Variants in OR1J2 observed in about 807,000 individuals in gnomAD.
OR1J2 encodes olfactory receptor family 1 subfamily J member 2.
For synonymous variants in OR1J2, 142 were observed against 99.7 expected (o/e 1.42, Z -2.52); for missense variants, 304 against 246.1 (o/e 1.24, Z -1.57).
the OR1J2 span, among the ~76,000 whole-genome samples, chr9:122,574,069 T>C: frequency 1.3e-5 from 2 of 152,208 alleles, no homozygotes; most frequent in Non-Finnish European, 2.9e-5. Flanking sequence ...TTCTGTACCA[T>C]TGATCTATTT....
At chr9:122,452,469 A>G in the OR1J2 span, among the ~76,000 whole-genome samples, 328 of 152,298 alleles carry the variant, frequency 2.2e-3, no homozygotes, top group Middle Eastern at 6.8e-3. Flanking sequence ...CACAACTGCT[A>G]TTTAAATATA....
At chr9:122,483,377 CAG>C in the OR1J2 span, among the ~76,000 whole-genome samples, 5 of 152,000 alleles carry the variant, frequency 3.3e-5, no homozygotes, top group Non-Finnish European at 5.9e-5. Flanking sequence ...ACTAGATAAA[CAG>C]AAGTTAATTT....
At chr9:122,492,064 T>C in the OR1J2 span, among the ~76,000 whole-genome samples, 3 of 152,158 alleles carry the variant, frequency 2.0e-5, no homozygotes, top group African/African-American at 7.2e-5. Context: ...CTGGGCATAT[T>C]GCATAATGCT....
the OR1J2 span, among the ~76,000 whole-genome samples, chr9:122,472,050 C>A: frequency 6.6e-6 from 1 of 152,220 alleles, no homozygotes; most frequent in African/African-American, 2.4e-5. Context: ...CCCTGCCCTA[C>A]ATTCCCTAAA....
chr9:122,504,905 G>T, the OR1J2 span, among the ~76,000 whole-genome samples: 1 of 152,048 alleles, frequency 6.6e-6, no homozygotes, highest in Non-Finnish European at 1.5e-5. Context: ...AGTGTCTGGC[G>T]TGTCCTTCCC....
At chr9:122,520,662 A>C in the OR1J2 span, among the ~76,000 whole-genome samples, 2 of 152,198 alleles carry the variant, frequency 1.3e-5, no homozygotes, top group Non-Finnish European at 2.9e-5. Context: ...TTCTGACTAC[A>C]CATGTGAGCT....
At chr9:122,472,414 AT>A in the OR1J2 span, among the ~76,000 whole-genome samples, 162 of 152,348 alleles carry the variant, frequency 1.1e-3, no homozygotes, top group African/African-American at 3.7e-3. Context: ...ACTAGTTGAA[AT>A]GCACCAATAG....
chr9:122,474,351 C>T, the OR1J2 span, among the ~76,000 whole-genome samples: 2 of 152,152 alleles, frequency 1.3e-5, no homozygotes, highest in African/African-American at 4.8e-5. Context: ...TCCTTCTGGC[C>T]TCCTTCTTGC....
At chr9:122,561,799 G>A in the OR1J2 span, among the ~76,000 whole-genome samples, 1 of 152,312 alleles carries the variant, frequency 6.6e-6, no homozygotes, top group Admixed American at 6.5e-5. Flanking sequence ...CCCTGTTGCA[G>A]GGTCTCACCC....
chr9:122,526,659 A>C, the OR1J2 span: 1 of 1,614,192 alleles, frequency 6.2e-7, no homozygotes, highest in South Asian at 1.1e-5. Context: ...GGAGGTGACA[A>C]TGCATAAAAA....
chr9:122,532,792 T>C, the OR1J2 span, among the ~76,000 whole-genome samples: 4 of 152,036 alleles, frequency 2.6e-5, no homozygotes, highest in Non-Finnish European at 5.9e-5. Flanking sequence ...GGCTACAGGG[T>C]GCGGTCCCGG....
chr9:122,453,425 A>G, the OR1J2 span, among the ~76,000 whole-genome samples: 2 of 151,964 alleles, frequency 1.3e-5, no homozygotes, highest in Admixed American at 6.6e-5. Flanking sequence ...CAAGTTCCCA[A>G]CCTCCTAAGT....
At chr9:122,452,088 C>T in the OR1J2 span, among the ~76,000 whole-genome samples, 2 of 152,118 alleles carry the variant, frequency 1.3e-5, no homozygotes, top group Non-Finnish European at 2.9e-5. Context: ...CCGTGTTGGC[C>T]AGGATGGTCT....
At chr9:122,455,275 C>G in the OR1J2 span, among the ~76,000 whole-genome samples, 2 of 152,160 alleles carry the variant, frequency 1.3e-5, no homozygotes, top group Admixed American at 1.3e-4. Flanking sequence ...CTTTGTTTAA[C>G]TGATTGAGGA....
At chr9:122,580,399 C>CA in the OR1J2 span, among the ~76,000 whole-genome samples, 1 of 152,164 alleles carries the variant, frequency 6.6e-6, no homozygotes, top group Non-Finnish European at 1.5e-5. Flanking sequence ...TGCCAATGAT[C>CA]ATTTACAAAT....
chr9:122,574,268 T>C, the OR1J2 span, among the ~76,000 whole-genome samples: 1 of 152,196 alleles, frequency 6.6e-6, no homozygotes. Context: ...TGATCGGTAT[T>C]GCATGGAATT....
chr9:122,517,531 A>C, the OR1J2 span, among the ~76,000 whole-genome samples: 1 of 152,228 alleles, frequency 6.6e-6, no homozygotes, highest in Non-Finnish European at 1.5e-5. Context: ...CTCCCAATTA[A>C]GAACTGTTAT....
the OR1J2 span, among the ~76,000 whole-genome samples, chr9:122,461,799 T>C: frequency 6.6e-6 from 1 of 152,202 alleles, no homozygotes; most frequent in Non-Finnish European, 1.5e-5. Context: ...ATAATTTCAG[T>C]TTTCTTAAAT....
the OR1J2 span, among the ~76,000 whole-genome samples, chr9:122,557,468 A>T: frequency 6.6e-6 from 1 of 152,042 alleles, no homozygotes; most frequent in African/African-American, 2.4e-5. Context: ...TTATATTATT[A>T]TGTAGTTGTT....
Sources: allele counts gnomAD v4.1 joint callset (sites outside exome capture counted in the v4.1 genomes callset), GRCh38; gene constraint gnomAD v4.1.1; transcripts MANE v1.5; gene names NCBI Gene and HGNC (gene_info 2026-07-23, HGNC 2026-07-21).